Variants in CSPG5 observed in about 807,000 individuals in gnomAD.
CSPG5 encodes chondroitin sulfate proteoglycan 5.
Under a neutral mutation model 39.8 loss-of-function variants are expected in CSPG5, and 25 were observed. That is an observed-to-expected ratio of 0.63 (90% CI 0.46 to 0.88). CSPG5 has a LOEUF of 0.88. Ranked by LOEUF, CSPG5 falls within the 40% of genes least tolerant of loss-of-function variation. The pLI, the probability that CSPG5 is intolerant of heterozygous loss-of-function variation, is 0.00. For missense variants in CSPG5, 627 were observed against 702.2 expected, an observed-to-expected ratio of 0.89 and a Z score of 1.21; for synonymous variants, 295 against 303.9, an observed-to-expected ratio of 0.97 and a Z score of 0.31.
rs746840402 is a variant in CSPG5, at chr3:47,572,889, T to C, written c.1194-15A>G. 1.9e-6 allele frequency: 3 copies of C among 1,599,312 alleles called. No homozygotes were observed. The highest frequency in any genetic ancestry group is 2.6e-6 in the Non-Finnish European group (3 of 1,169,716). ...GCGTGTTGCACCTGCAGCAGCGACA[T>C]TGAGAAACCGTGGCGATGGAGCAGG... On this transcript the variant is annotated splice_polypyrimidine_tract_variant and intron_variant, in intron 2 of 4. Coordinates refer to ENST00000264723, the MANE Select transcript of CSPG5 (RefSeq NM_006574.4). This position sits in a 1 kb window ranked among gnomAD's most constrained non-coding sequence, Gnocchi z 4.5.
Position 47,572,650 on chromosome 3 carries a change from C to G in CSPG5, c.1382+36G>C. 6.3e-7 allele frequency: 1 copy of G among 1,595,348 alleles called. No individual in the cohort carries two copies. The highest frequency in any genetic ancestry group is 8.6e-7 in the Non-Finnish European group (1 of 1,165,174). On this transcript the variant is annotated intron_variant, in intron 3 of 4. Coordinates refer to ENST00000264723, the MANE Select transcript of CSPG5 (RefSeq NM_006574.4). This position sits in a 1 kb window ranked among gnomAD's most constrained non-coding sequence, Gnocchi z 4.5. ...GCAGCGTCGGGGGGCCTCCCACACCCTGACCTGGGTGGATGGGTGAGTGAC... is the reference window on the plus strand; with the variant it reads ...GCAGCGTCGGGGGGCCTCCCACACCGTGACCTGGGTGGATGGGTGAGTGAC...
chr3:47,564,072 G>T (rs936525657), intron 4 of CSPG5, among the ~76,000 whole-genome samples: 1 of 152,220 alleles, frequency 6.6e-6, no homozygotes, highest in African/African-American at 2.4e-5. Context: ...GCTGATAGAA[G>T]ACAGTGTGTA....
chr3:47,576,291 G>T (rs955692927), intron 2 of CSPG5, among the ~76,000 whole-genome samples: 18 of 152,142 alleles, frequency 1.2e-4, no homozygotes, highest in African/African-American at 4.8e-5. Flanking sequence ...ACAGAGGAAA[G>T]ACATAATCTT....
upstream of CSPG5, chr3:47,580,130 C>A (rs1335142595): frequency 6.6e-6 from 1 of 152,284 alleles, no homozygotes; most frequent in Non-Finnish European, 1.5e-5. Context: ...TGGTAAACTC[C>A]TCATGCCAGA....
rs2031451714 is a variant in CSPG5 at position 47,569,633 on chromosome 3, C to T, written c.1383-406G>A. 2.6e-5 allele frequency among the ~76,000 whole-genome samples: 4 copies of T among 151,458 alleles called. No homozygotes were observed. The South Asian group carries it at 6.3e-4, about 24-fold the overall frequency. On this transcript the variant is annotated intron_variant, in intron 3 of 4. Coordinates refer to ENST00000264723, the MANE Select transcript of CSPG5 (RefSeq NM_006574.4). ...AAAAAAAAATTACAAAAAATCCCTACAAAAAACAAATACTGTATTTCTTTC... is the reference window on the plus strand; with the variant it reads ...AAAAAAAAATTACAAAAAATCCCTATAAAAAACAAATACTGTATTTCTTTC...
chr3:47,577,683 C>T lies in CSPG5; in HGVS notation c.343G>A (p.Ala115Thr). 1 of 1,593,718 alleles carries T rather than the reference C, an allele frequency of 6.3e-7. No homozygotes were observed. The highest frequency in any genetic ancestry group is 8.5e-7 in the Non-Finnish European group (1 of 1,172,934). The change falls in exon 2 of 5, where the codon GCG becomes ACG. Residue 115 changes from alanine (A) to threonine (T), a missense_variant. By Grantham distance (58) the Ala-to-Thr change is moderately conservative. Transcript: ENST00000264723. The surrounding 1 kb of genome is among the most constrained non-coding windows in gnomAD (Gnocchi z 4.7). Reference protein sequence around the residue: ...SPGLGGVTAEAGSGDAQALPA... With the variant: ...SPGLGGVTAETGSGDAQALPA... ...AGGGCCTGGGCATCGCCGCTGCCCG[C>T]CTCTGCGGTCACTCCTCCCAGGCCT...
intron 2 of CSPG5, among the ~76,000 whole-genome samples, chr3:47,574,833 G>A (rs942858431): frequency 4.0e-5 from 6 of 151,684 alleles, no homozygotes; most frequent in Non-Finnish European, 8.8e-5. Context: ...CAGCTACTCC[G>A]GAGGCTGAGG....
intron 2 of CSPG5, among the ~76,000 whole-genome samples, chr3:47,576,040 C>A (rs1167807027): frequency 6.7e-6 from 1 of 149,316 alleles, no homozygotes; most frequent in Non-Finnish European, 1.5e-5. Flanking sequence ...TGGGTTCAAG[C>A]AATTCTGCCT....
chr3:47,570,994 T>C (rs1390632185), intron 3 of CSPG5, among the ~76,000 whole-genome samples: 1 of 151,988 alleles, frequency 6.6e-6, no homozygotes, highest in Non-Finnish European at 1.5e-5. Flanking sequence ...GGTGCATTCC[T>C]GTAGTCACAG....
chr3:47,571,932 G>A (rs1332448916), intron 3 of CSPG5, among the ~76,000 whole-genome samples: 1 of 152,186 alleles, frequency 6.6e-6, no homozygotes, highest in Non-Finnish European at 1.5e-5. Flanking sequence ...GGTCACATCC[G>A]AGTGTTCAAG....
At chr3:47,569,797 G>A (rs1445870776) in intron 3 of CSPG5, among the ~76,000 whole-genome samples, 1 of 140,798 alleles carries the variant, frequency 7.1e-6, no homozygotes, top group Non-Finnish European at 1.5e-5. Context: ...GCCCAGGCTT[G>A]AGTGCAGTGG....
At position 47,578,406 on chromosome 3, in the gene CSPG5, CG is replaced by C. The variant is rs1331709829; in HGVS notation, c.97+190del. On this transcript the variant is annotated intron_variant, in intron 1 of 4. Coordinates refer to ENST00000264723, the MANE Select transcript of CSPG5 (RefSeq NM_006574.4). This position sits in a 1 kb window ranked among gnomAD's most constrained non-coding sequence, Gnocchi z 6.0. ...GGGTCCCGGCTACCCCAACCGGGGT[CG>C]GCCCCCACGCGGGTCGGCCTTTCCC... 1.4e-5 allele frequency among the ~76,000 whole-genome samples: 2 copies of C among 144,562 alleles called. No homozygotes were observed. The highest frequency in any genetic ancestry group is 5.0e-5 in the African/African-American group (2 of 39,734). 94.8% of individuals were successfully genotyped at this position (144,562 alleles called of 152,430 possible).
At chr3:47,567,986 C>T (rs751211349) in intron 4 of CSPG5, among the ~76,000 whole-genome samples, 3 of 152,196 alleles carry the variant, frequency 2.0e-5, no homozygotes, top group Non-Finnish European at 4.4e-5. Context: ...GCTCTACAGC[C>T]GCAAGTGGCT....
Position 47,572,916 on chromosome 3 carries a change from A to G in CSPG5, c.1194-42T>C. On this transcript the variant is annotated intron_variant, in intron 2 of 4. Coordinates refer to ENST00000264723, the MANE Select transcript of CSPG5 (RefSeq NM_006574.4). This position sits in a 1 kb window ranked among gnomAD's most constrained non-coding sequence, Gnocchi z 4.5. ...GAGAAACCGTGGCGATGGAGCAGGC[A>G]GCCACGGCCACAGTAAGGGCCTGGG... 2.5e-6 allele frequency: 4 copies of G among 1,574,432 alleles called. No individual in the cohort carries two copies. The highest frequency in any genetic ancestry group is 3.5e-6 in the Non-Finnish European group (4 of 1,153,088).
Position 47,577,577 on chromosome 3 carries a change from C to G in CSPG5, c.449G>C (p.Ser150Thr), listed in dbSNP as rs780881321. 2 of 1,611,156 alleles carry G rather than the reference C, an allele frequency of 1.2e-6. No individual in the cohort carries two copies. Among genetic ancestry groups the G allele is most frequent in the Non-Finnish European group, 1.7e-6 (2 of 1,179,388 alleles). The change falls in exon 2 of 5, where the codon AGC becomes ACC. Residue 150 changes from serine (S) to threonine (T), a missense_variant. By Grantham distance (58) the Ser-to-Thr change is moderately conservative. Coordinates refer to ENST00000264723, the MANE Select transcript of CSPG5 (RefSeq NM_006574.4). This position sits in a 1 kb window ranked among gnomAD's most constrained non-coding sequence, Gnocchi z 4.7. ...GCCGGGGGTGGGGGAGGGTGGCCCG[C>G]TGGCCTCTGTAGCCTCAGGAATGGC... is the stretch of plus-strand genomic sequence containing the variant. ...PPAIPEATEA[S>T]GPPSPTPGDK...
rs1210200952 is a variant in CSPG5 at position 47,569,326 on chromosome 3, G to A, written c.1383-99C>T. Reference sequence around the variant, plus strand: ...CTGGATCAAATACTGTATTTCGGCTGGGCGTGGTGGCTCGCGCCTGTAATC... The same window carrying A: ...CTGGATCAAATACTGTATTTCGGCTAGGCGTGGTGGCTCGCGCCTGTAATC... On this transcript the variant is annotated intron_variant, in intron 3 of 4. Transcript: ENST00000264723. 4.0e-5 allele frequency: 51 copies of A among 1,282,608 alleles called. 1 individual carries two copies. In the East Asian group the frequency reaches 1.2e-3, roughly 31 times the overall value. The allele number at this position is 1,282,608 out of a possible 1,614,324, so 79.5% of individuals were successfully genotyped here. A position where few individuals can be genotyped will look rare whatever the true frequency, so the allele number is the denominator to read the frequency against.
At position 47,572,811 on chromosome 3, in the gene CSPG5, G is replaced by A; in HGVS notation, c.1257C>T (p.Phe419=). ...GMRCESIITD[F]QVMCVAVGSA... is the part of the protein sequence containing the mutation. The stretch of plus-strand genomic sequence containing the variant: ...AGCCCACGGCCACGCACATCACCTG[G>A]AAGTCGGTGATGATGGACTCGCAGC... The change falls in exon 3 of 5, where the codon TTC becomes TTT. Residue 419 remains phenylalanine, a synonymous_variant. Transcript: ENST00000264723. This position sits in a 1 kb window ranked among gnomAD's most constrained non-coding sequence, Gnocchi z 4.5. 1 of 1,614,064 alleles carries A rather than the reference G, an allele frequency of 6.2e-7. No homozygotes were observed. The highest frequency in any genetic ancestry group is 8.5e-7 in the Non-Finnish European group (1 of 1,179,938).
chr3:47,577,575 C>T lies in CSPG5; in HGVS notation c.451G>A (p.Gly151Arg), dbSNP rs747337826. ...TCGCCGGGGGTGGGGGAGGGTGGCC[C>T]GCTGGCCTCTGTAGCCTCAGGAATG... Reference protein sequence around the residue: ...PAIPEATEASGPPSPTPGDKL... With the variant: ...PAIPEATEASRPPSPTPGDKL... Residue 151 changes from glycine to arginine, a missense_variant, in exon 2 of 5, where the codon GGG becomes AGG. Physicochemically the swap from Gly to Arg is moderately radical, Grantham distance 125. Coordinates refer to ENST00000264723, the MANE Select transcript of CSPG5 (RefSeq NM_006574.4). The surrounding 1 kb of genome is among the most constrained non-coding windows in gnomAD (Gnocchi z 4.7). 5.6e-6 allele frequency: 9 copies of T among 1,610,824 alleles called. No homozygotes were observed. The highest frequency in any genetic ancestry group is 5.3e-5 in the African/African-American group (4 of 74,870).
At chr3:47,571,749 AGGGGGATTAATG>A (rs1372446161) in intron 3 of CSPG5, among the ~76,000 whole-genome samples, 1 of 151,752 alleles carries the variant, frequency 6.6e-6, no homozygotes, top group Non-Finnish European at 1.5e-5. Context: ...GGTCAAGGGG[AGGGGGATTAATG>A]GGGCAACAGG....
Sources: gnomAD v4.1 joint callset for allele counts (sites outside exome capture counted in the v4.1 genomes callset) on GRCh38, gnomAD v4.1.1 for gene constraint, Gnocchi (gnomAD v3.1) non-coding constraint, MANE v1.5 for transcripts, NCBI Gene and HGNC (gene_info 2026-07-23, HGNC 2026-07-21) for gene names.